FAM13B: variants seen among roughly 807,000 people sequenced by gnomAD.
The protein encoded by FAM13B is family with sequence similarity 13 member B.
A neutral mutation model predicts 117.3 loss-of-function variants in FAM13B; 60 were observed. That is an observed-to-expected ratio of 0.51 (90% CI 0.42 to 0.63). FAM13B has a LOEUF of 0.63. Among genes scored for constraint, FAM13B ranks in the 30% least tolerant of loss-of-function variants. The pLI is 0.00. For synonymous variants in FAM13B, 332 were observed against 356.1 expected, an observed-to-expected ratio of 0.93 and a Z score of 0.76; for missense variants, 972 against 1,091.9, an observed-to-expected ratio of 0.89 and a Z score of 1.55.
chr5:137,974,838 G>C (rs1773443792), intron 10 of FAM13B, among the ~76,000 whole-genome samples: 1 of 151,976 alleles, frequency 6.6e-6, no homozygotes. Flanking sequence ...GCCAGTTTTT[G>C]CATGGTCACT....
At chr5:138,026,538 G>A (rs1788426370) in intron 1 of FAM13B, among the ~76,000 whole-genome samples, 1 of 146,254 alleles carries the variant, frequency 6.8e-6, no homozygotes, top group Admixed American at 7.0e-5. Flanking sequence ...GAGGTGGAAG[G>A]ATCACTGGAG....
intron 6 of FAM13B, 69 bp downstream of exon 6, chr5:138,010,939 T>C (rs1305391062): frequency 1.5e-6 from 2 of 1,344,858 alleles, no homozygotes; most frequent in African/African-American, 1.6e-5. Context: ...TGGCAAGTCT[T>C]TAAGAGCATA....
chr5:137,970,217 C>T (rs1282726235), intron 10 of FAM13B, among the ~76,000 whole-genome samples: 1 of 151,728 alleles, frequency 6.6e-6, no homozygotes, highest in South Asian at 2.1e-4. Flanking sequence ...AGAGAAAGGT[C>T]GGGTTACCCT....
intron 6 of FAM13B, among the ~76,000 whole-genome samples, chr5:138,008,496 T>C (rs1783106262): frequency 6.6e-6 from 1 of 152,146 alleles, no homozygotes; most frequent in Admixed American, 6.5e-5. Context: ...GAGGCAGAAA[T>C]ACCTATATTC....
At chr5:138,006,091 G>T (rs1437590909) in intron 7 of FAM13B, among the ~76,000 whole-genome samples, 1 of 151,944 alleles carries the variant, frequency 6.6e-6, no homozygotes, top group African/African-American at 2.4e-5. Flanking sequence ...TAGAGACGGG[G>T]TTTCACCGTG....
At chr5:138,048,940 C>CTTT (rs35414064) in intron 1 of FAM13B, among the ~76,000 whole-genome samples, 1,555 of 122,408 alleles carry the variant, frequency 0.013, 31 homozygotes, top group South Asian at 0.067. Context: ...TGATACATTT[C>CTTT]TTTTTTTTTT....
intron 2 of FAM13B, among the ~76,000 whole-genome samples, chr5:138,019,505 CA>C (rs1295575341): frequency 6.6e-6 from 1 of 152,136 alleles, no homozygotes; most frequent in Non-Finnish European, 1.5e-5. Context: ...CAGGTAAATC[CA>C]AACCCGTTCT....
intron 16 of FAM13B, 48 bp from the exon 17 acceptor site, chr5:137,952,757 T>G: frequency 9.4e-7 from 1 of 1,065,954 alleles, no homozygotes; most frequent in South Asian, 1.4e-5. Flanking sequence ...TAAGCAATAG[T>G]TACATTAATT....
At chr5:137,965,917 A>G (rs1769577371) in intron 10 of FAM13B, among the ~76,000 whole-genome samples, 1 of 152,090 alleles carries the variant, frequency 6.6e-6, no homozygotes. Flanking sequence ...AAATCCAGGT[A>G]TTTTGATGTG....
At chr5:138,020,730 C>G (rs1186814355) in intron 2 of FAM13B, 1 of 162,644 alleles carries the variant, frequency 6.1e-6, no homozygotes, top group Non-Finnish European at 1.3e-5. Flanking sequence ...AATAAGTCTA[C>G]TAAAATTCCT....
In FAM13B at chr5:137,953,419, T is replaced by C. The variant is rs975955586; in HGVS notation, c.1765A>G (p.Arg589Gly). The C allele has an allele frequency of 6.2e-6, 10 of 1,613,806 alleles. No homozygotes were observed. Among genetic ancestry groups the C allele is most frequent in the Non-Finnish European group, 7.6e-6 (9 of 1,179,858 alleles). The change falls in exon 16 of 24, where the codon AGA becomes GGA. Residue 589 changes from arginine (R) to glycine (G), a missense_variant. By Grantham distance (125) the Arg-to-Gly change is moderately radical (BLOSUM62 -2). Coordinates refer to ENST00000689681, the MANE Select transcript of FAM13B (RefSeq NM_001385994.1). ...TTCTTGACCAGCTGATAAGGTGTTC[T>C]GTCCTCTCTCTTTTCATCTTTTGAA... ...FSSKDEKRED[R>G]TPYQLVKKLQ...
chr5:138,001,045 A>G (rs1781141219), intron 7 of FAM13B, among the ~76,000 whole-genome samples: 2 of 152,208 alleles, frequency 1.3e-5, no homozygotes, highest in African/African-American at 2.4e-5. Flanking sequence ...GTAAATACCA[A>G]TAAGTATAGT....
chr5:137,961,747 T>C lies in FAM13B; in HGVS notation c.1244+658A>G, dbSNP rs182072391. 3.3e-5 allele frequency among the ~76,000 whole-genome samples: 5 copies of C among 152,316 alleles called. No individual in the cohort carries two copies. In the East Asian group the frequency reaches 9.6e-4, roughly 29 times the overall value. On this transcript the variant is annotated intron_variant, in intron 11 of 23. Coordinates refer to ENST00000689681, the MANE Select transcript of FAM13B (RefSeq NM_001385994.1). The stretch of plus-strand genomic sequence containing the variant: ...ACTGAAGTGTTTTCAGAATCTCAAA[T>C]CACCTTCCTAAGAAAGTTATACTTT...
At chr5:138,035,569 A>G (rs1252042052), upstream of FAM13B, among the ~76,000 whole-genome samples, 1 of 152,068 alleles carries the variant, frequency 6.6e-6, no homozygotes, top group African/African-American at 2.4e-5. Context: ...CATGTACCTA[A>G]TTGAAAACTC....
chr5:137,978,993 C>T (rs1581156581), intron 10 of FAM13B, among the ~76,000 whole-genome samples: 1 of 151,876 alleles, frequency 6.6e-6, no homozygotes, highest in African/African-American at 2.4e-5. Context: ...TCCTTCCTTC[C>T]CTAGGGCTCA....
At chr5:137,984,856 C>T (rs1403319869) in intron 10 of FAM13B, among the ~76,000 whole-genome samples, 3 of 151,906 alleles carry the variant, frequency 2.0e-5, no homozygotes, top group African/African-American at 7.3e-5. Flanking sequence ...GCAAGCTCTG[C>T]CTCCTGGGTT....
chr5:137,991,713 T>C (rs985511266), intron 7 of FAM13B, among the ~76,000 whole-genome samples: 6 of 152,134 alleles, frequency 3.9e-5, no homozygotes, highest in Non-Finnish European at 4.4e-5. Flanking sequence ...GAGATACAAT[T>C]TGGTATCCAT....
In FAM13B at chr5:137,984,228, T is replaced by C. The variant is rs138394472; in HGVS notation, c.1179+1029A>G. On this transcript the variant is annotated intron_variant, in intron 10 of 23. Coordinates refer to ENST00000689681, the MANE Select transcript of FAM13B (RefSeq NM_001385994.1). ...ATTTTCAGCTTATTATTTTCAGAAA[T>C]AGCAAACACAGGATAATACAGAGAA... is the stretch of plus-strand genomic sequence containing the variant. 1.2e-3 allele frequency among the ~76,000 whole-genome samples: 188 copies of C among 152,274 alleles called. 4 individuals carry two copies. Among genetic ancestry groups the C allele is most frequent in the Middle Eastern group, 0.01 (3 of 294 alleles).
intron 11 of FAM13B, 130 bp downstream of exon 11, chr5:137,962,275 C>G (rs925797142): frequency 1.4e-6 from 1 of 703,174 alleles, no homozygotes; most frequent in East Asian, 2.7e-5. Flanking sequence ...ACCATTATAA[C>G]AAGAAGGCTG....
Sources: allele counts gnomAD v4.1 joint callset (sites outside exome capture counted in the v4.1 genomes callset), GRCh38; gene constraint gnomAD v4.1.1; transcripts MANE v1.5; gene names NCBI Gene and HGNC (gene_info 2026-07-23, HGNC 2026-07-21).